FCHSD2: variants seen among roughly 807,000 people sequenced by gnomAD.
The protein encoded by FCHSD2 is FCH and double SH3 domains 2.
Under a neutral mutation model 108.1 loss-of-function variants are expected in FCHSD2, and 38 were observed. The ratio of observed to expected loss-of-function variants is 0.35; its 90% CI spans 0.27 to 0.46. FCHSD2 has a LOEUF of 0.46. Among genes scored for constraint, FCHSD2 ranks in the 20% least tolerant of loss-of-function variants. The pLI is 1.00. For synonymous variants in FCHSD2, 279 were observed against 314.7 expected (o/e 0.89, Z 1.20); for missense variants, 751 against 897.8 (o/e 0.84, Z 2.09).
At chr11:73,121,166 C>T (rs958373346) in intron 2 of FCHSD2, among the ~76,000 whole-genome samples, 1 of 150,880 alleles carries the variant, frequency 6.6e-6, no homozygotes, top group Non-Finnish European at 1.5e-5. Flanking sequence ...CTCTTATACA[C>T]ATACACATAC....
At chr11:72,954,881 C>A (rs965830779) in intron 8 of FCHSD2, among the ~76,000 whole-genome samples, 1 of 152,130 alleles carries the variant, frequency 6.6e-6, no homozygotes, top group Non-Finnish European at 1.5e-5. Flanking sequence ...TACATATACA[C>A]ACACACACAC....
chr11:73,117,861 AC>A (rs1202202956), intron 2 of FCHSD2, among the ~76,000 whole-genome samples: 10 of 152,046 alleles, frequency 6.6e-5, no homozygotes, highest in Admixed American at 6.6e-4. Context: ...AGACAATAAT[AC>A]TCTTCCCTCT....
At chr11:72,915,956 T>C (rs117085272) in intron 9 of FCHSD2, among the ~76,000 whole-genome samples, 4 of 152,102 alleles carry the variant, frequency 2.6e-5, no homozygotes, top group Non-Finnish European at 4.4e-5. Flanking sequence ...CTTAGCAAAC[T>C]AATGTAGGAA....
intron 2 of FCHSD2, among the ~76,000 whole-genome samples, chr11:73,094,168 G>A (rs1465352084): frequency 6.6e-6 from 1 of 152,006 alleles, no homozygotes; most frequent in Admixed American, 6.5e-5. Context: ...CCAAGACCAC[G>A]CCAATGCACT....
intron 3 of FCHSD2, among the ~76,000 whole-genome samples, chr11:73,019,462 A>G (rs149048029): frequency 6.6e-6 from 1 of 152,288 alleles, no homozygotes; most frequent in Non-Finnish European, 1.5e-5. Context: ...ATTTTTTTAA[A>G]TTATGAAATT....
chr11:72,856,205 G>A (rs919124228), intron 13 of FCHSD2, among the ~76,000 whole-genome samples: 1 of 152,194 alleles, frequency 6.6e-6, no homozygotes, highest in Admixed American at 6.5e-5. Flanking sequence ...TCTCCTTCCA[G>A]TGGTTCACAA....
rs746931270 is a variant in FCHSD2, at chr11:72,984,083, AT to A, written c.705+4del. ...AAATTACCATAGATATGAAAGCTGTATTACCTTCATAATGTTAACTAAATCT... is the reference window on the plus strand; with the variant it reads ...AAATTACCATAGATATGAAAGCTGTATACCTTCATAATGTTAACTAAATCT... On this transcript the variant is annotated splice_donor_region_variant and intron_variant, in intron 8 of 19. Coordinates refer to ENST00000409418, the MANE Select transcript of FCHSD2 (RefSeq NM_014824.3). 3.1e-6 allele frequency: 5 copies of A among 1,608,354 alleles called. No homozygotes were observed. Among genetic ancestry groups the A allele is most frequent in the Non-Finnish European group, 4.3e-6 (5 of 1,176,218 alleles).
chr11:73,054,665 G>A (rs1479833962), intron 3 of FCHSD2, among the ~76,000 whole-genome samples: 1 of 151,848 alleles, frequency 6.6e-6, no homozygotes, highest in Non-Finnish European at 1.5e-5. Context: ...AGAGAGAAAG[G>A]ACCTTTTCCT....
chr11:72,935,729 CAT>C (rs759228944), intron 8 of FCHSD2, among the ~76,000 whole-genome samples: 2 of 152,106 alleles, frequency 1.3e-5, no homozygotes, highest in Non-Finnish European at 2.9e-5. Flanking sequence ...AAATCAGAAA[CAT>C]ATCATCTAAT....
At position 72,867,932 on chromosome 11, in the gene FCHSD2, A is replaced by G. The variant is rs755129334; in HGVS notation, c.1241T>C (p.Met414Thr). The G allele has an allele frequency of 6.8e-6, 11 of 1,609,070 alleles. No homozygotes were observed. The highest frequency in any genetic ancestry group is 1.7e-4 in the Middle Eastern group (1 of 6,058). Residue 414 changes from methionine (M) to threonine (T), a missense_variant, in exon 13 of 20, where the codon ATG becomes ACG. Coordinates refer to ENST00000409418, the MANE Select transcript of FCHSD2 (RefSeq NM_014824.3). ...TWLKSAMNQV[M>T]EELENERWAR... ...CCATCGCTCATTTTCCAGTTCTTCC[A>G]TTACTTGGTTCATGGCACTCTTTAG...
At chr11:73,051,476 C>G (rs930535882) in intron 3 of FCHSD2, among the ~76,000 whole-genome samples, 22 of 151,880 alleles carry the variant, frequency 1.4e-4, no homozygotes, top group African/African-American at 5.1e-4. Flanking sequence ...AATTTACAAA[C>G]AGAAAAAGTT....
chr11:73,083,549 G>T, intron 3 of FCHSD2, 146 bp downstream of exon 3: 2 of 579,586 alleles, frequency 3.5e-6, no homozygotes, highest in Non-Finnish European at 6.0e-6. Flanking sequence ...CTCCATCTCA[G>T]AAAAAAAGAA....
At chr11:73,028,830 T>G (rs1400695116) in intron 3 of FCHSD2, among the ~76,000 whole-genome samples, 2 of 152,188 alleles carry the variant, frequency 1.3e-5, no homozygotes, top group Middle Eastern at 3.2e-3. Context: ...AGTTTAGCAC[T>G]TCCCCTTTCG....
chr11:72,895,384 A>G (rs757903774), intron 10 of FCHSD2, among the ~76,000 whole-genome samples: 4 of 152,238 alleles, frequency 2.6e-5, no homozygotes, highest in African/African-American at 4.8e-5. Flanking sequence ...CATGAAAGTA[A>G]AACAAAAATG....
At chr11:73,102,223 C>G (rs563732024) in intron 2 of FCHSD2, among the ~76,000 whole-genome samples, 11 of 152,236 alleles carry the variant, frequency 7.2e-5, no homozygotes, top group African/African-American at 2.6e-4. Flanking sequence ...ATTAACAATT[C>G]CAAGTGCTGA....
At chr11:72,909,664 G>A (rs995124147) in intron 9 of FCHSD2, among the ~76,000 whole-genome samples, 1 of 150,946 alleles carries the variant, frequency 6.6e-6, no homozygotes, top group Admixed American at 6.6e-5. Context: ...TGTCTGGGAA[G>A]TGGGGAGCGC....
At chr11:72,939,379 A>G (rs1352992080) in intron 8 of FCHSD2, among the ~76,000 whole-genome samples, 1 of 152,152 alleles carries the variant, frequency 6.6e-6, no homozygotes, top group Non-Finnish European at 1.5e-5. Context: ...TTTCTAAGGA[A>G]TGGTTTTTAA....
rs145240004 is a variant in FCHSD2 at position 72,959,968 on chromosome 11, T to C, written c.705+24120A>G. ...AGGAAGATGGTTTTAAAAGCACAGA[T>C]ATATAGGAAGAAACCTACACACTTC... On this transcript the variant is annotated intron_variant, in intron 8 of 19. Transcript: ENST00000409418. Among the ~76,000 whole-genome samples, 41 of 152,052 alleles carry C rather than the reference T, an allele frequency of 2.7e-4. 1 individual carries two copies. In the East Asian group the frequency reaches 7.9e-3, roughly 29 times the overall value.
At chr11:72,848,690 G>A (rs1861210268) in intron 14 of FCHSD2, among the ~76,000 whole-genome samples, 1 of 152,210 alleles carries the variant, frequency 6.6e-6, no homozygotes, top group Admixed American at 6.5e-5. Context: ...ACGCAGGGAT[G>A]TGCCTGGGAT....
Sources: allele counts gnomAD v4.1 joint callset (sites outside exome capture counted in the v4.1 genomes callset), GRCh38; gene constraint gnomAD v4.1.1; transcripts MANE v1.5; gene names NCBI Gene and HGNC (gene_info 2026-07-23, HGNC 2026-07-21).